Variants in MILR1 observed in about 807,000 individuals in gnomAD.
The protein encoded by MILR1 is allergin-1.
In MILR1, 31 loss-of-function variants were observed where a neutral mutation model predicts 18.5. That is an observed-to-expected ratio of 1.68 (90% confidence interval 1.26 to 2.26). MILR1 has a LOEUF of 2.26. MILR1 is among the 30% of genes most tolerant of loss of function. MILR1 has a pLI of 0.00. For missense variants in MILR1, 257 were observed against 157.4 expected (o/e 1.63, Z -3.38); for synonymous variants, 85 against 56.2 (o/e 1.51, Z -2.30).
At chr17:64,478,587 C>T in the MILR1 span, among the ~76,000 whole-genome samples, 19 of 152,198 alleles carry the variant, frequency 1.2e-4, no homozygotes, top group South Asian at 3.9e-3. Flanking sequence ...TTTTGTCCTA[C>T]TAGAATATAA....
At chr17:64,462,067 C>T (rs1000788248) in intron 5 of MILR1, among the ~76,000 whole-genome samples, 7 of 152,106 alleles carry the variant, frequency 4.6e-5, no homozygotes, top group African/African-American at 1.2e-4. Context: ...ATGCTAGGAA[C>T]GTGGGTGTGA....
the MILR1 span, among the ~76,000 whole-genome samples, chr17:64,482,160 G>C: frequency 7.5e-6 from 1 of 133,808 alleles, no homozygotes; most frequent in East Asian, 2.4e-4. Context: ...CTGGAGTGCA[G>C]TGCTGCGATC....
At chr17:64,473,728 TA>T in the MILR1 span, among the ~76,000 whole-genome samples, 45 of 152,266 alleles carry the variant, frequency 3.0e-4, no homozygotes, top group African/African-American at 7.2e-4. Context: ...AAATTTATCA[TA>T]AAAAAATTAT....
At chr17:64,487,188 A>C in the MILR1 span, 1 of 152,222 alleles carries the variant, frequency 6.6e-6, no homozygotes, top group Non-Finnish European at 1.5e-5. Flanking sequence ...TGACATTTTA[A>C]ACCTATTTGA....
At chr17:64,496,740 G>A in the MILR1 span, 4 of 1,613,922 alleles carry the variant, frequency 2.5e-6, no homozygotes, top group African/African-American at 5.3e-5. Context: ...CTTAGGAAAT[G>A]CCTTCTCTGA....
Position 64,459,997 on chromosome 17 carries a change from TTTATTTATTTATTTA to T in MILR1, c.653-822_653-808del, listed in dbSNP as rs2037391904. ...ATTATTTTTATTTTATTTTATTTTA[TTTATTTATTTATTTA>T]TTTATTTATTTATTTATTTATTTAT... On this transcript the variant is annotated intron_variant, in intron 4 of 9. Coordinates refer to ENST00000619286, the MANE Select transcript of MILR1 (RefSeq NM_001085423.2). 1.9e-3 allele frequency among the ~76,000 whole-genome samples: 156 copies of T among 82,668 alleles called. 1 individual carries two copies. The highest frequency in any genetic ancestry group is 5.6e-3 in the Admixed American group (49 of 8,684). The allele number at this position is 82,668 out of a possible 152,430, so 54.2% of individuals were successfully genotyped here.
chr17:64,471,686 T>C (rs2037688813), downstream of MILR1, among the ~76,000 whole-genome samples: 1 of 152,298 alleles, frequency 6.6e-6, no homozygotes, highest in African/African-American at 2.4e-5. Context: ...GTGTGGTGGC[T>C]CACGCCTATA....
intron 3 of MILR1, among the ~76,000 whole-genome samples, chr17:64,453,072 CTT>C (rs200977748): frequency 6.4e-5 from 9 of 140,966 alleles, no homozygotes; most frequent in Non-Finnish European, 7.8e-5. Flanking sequence ...GATCTCTATT[CTT>C]TTTTTTTTTT....
intron 3 of MILR1, among the ~76,000 whole-genome samples, chr17:64,453,635 A>G (rs1598089912): frequency 1.5e-5 from 2 of 131,446 alleles, no homozygotes; most frequent in African/African-American, 5.7e-5. Flanking sequence ...CAGGGGCCCC[A>G]TCCGCTAGCA....
chr17:64,455,333 A>G (rs1335517920), intron 3 of MILR1, among the ~76,000 whole-genome samples: 1 of 152,220 alleles, frequency 6.6e-6, no homozygotes, highest in Non-Finnish European at 1.5e-5. Flanking sequence ...TACCTACTCC[A>G]TGCAAGCAAT....
downstream of MILR1, among the ~76,000 whole-genome samples, chr17:64,471,037 T>C (rs1226647003): frequency 6.6e-6 from 1 of 151,708 alleles, no homozygotes; most frequent in Non-Finnish European, 1.5e-5. Context: ...AGCAAGGGAG[T>C]CCTTGTTGCC....
At chr17:64,482,096 CTTT>C in the MILR1 span, among the ~76,000 whole-genome samples, 23 of 116,040 alleles carry the variant, frequency 2.0e-4, no homozygotes, top group Non-Finnish European at 3.6e-4. Context: ...TTAATTAAAG[CTTT>C]TTTTTTTTTT....
At chr17:64,465,658 C>T (rs2037539344) in intron 6 of MILR1, 117 bp downstream of exon 6, 1 of 992,348 alleles carries the variant, frequency 1.0e-6, no homozygotes, top group Non-Finnish European at 1.5e-6. Context: ...AGTTCAATGT[C>T]TATTGATGCC....
At chr17:64,496,689 C>A in the MILR1 span, 1 of 1,614,070 alleles carries the variant, frequency 6.2e-7, no homozygotes, top group Non-Finnish European at 8.5e-7. Flanking sequence ...GGGTGGCACC[C>A]ACTCAGAAGA....
At chr17:64,472,638 C>A (rs2037708087), downstream of MILR1, among the ~76,000 whole-genome samples, 1 of 151,868 alleles carries the variant, frequency 6.6e-6, no homozygotes, top group Non-Finnish European at 1.5e-5. Flanking sequence ...CATTTAGATA[C>A]ACAAATACTT....
At chr17:64,460,548 G>T (rs1171959453) in intron 4 of MILR1, among the ~76,000 whole-genome samples, 3 of 152,068 alleles carry the variant, frequency 2.0e-5, no homozygotes, top group Non-Finnish European at 4.4e-5. Flanking sequence ...GCCTCACTAT[G>T]TTGCCCAGGC....
the MILR1 span, chr17:64,487,369 A>G: frequency 5.9e-5 from 9 of 152,178 alleles, no homozygotes; most frequent in South Asian, 2.1e-4. Context: ...ATCCCAGCAC[A>G]TCGGGAGGCC....
the MILR1 span, among the ~76,000 whole-genome samples, chr17:64,486,649 C>T: frequency 1.3e-5 from 2 of 152,296 alleles, no homozygotes; most frequent in East Asian, 3.9e-4. Flanking sequence ...CAGGCGTGAG[C>T]CACTGCGCCC....
chr17:64,454,452 G>A (rs1314322863), intron 3 of MILR1, among the ~76,000 whole-genome samples: 6 of 152,098 alleles, frequency 3.9e-5, no homozygotes, highest in African/African-American at 1.4e-4. Flanking sequence ...ACATTTCAAG[G>A]CTTTGATAGC....
Sources: allele counts gnomAD v4.1 joint callset (sites outside exome capture counted in the v4.1 genomes callset), GRCh38; gene constraint gnomAD v4.1.1; transcripts MANE v1.5; gene names NCBI Gene and HGNC (gene_info 2026-07-23, HGNC 2026-07-21).